The following WASF2 variants were observed in gnomAD, a reference collection of about 807,000 sequenced individuals.
The protein encoded by WASF2 is actin-binding protein WASF2.
In WASF2, 14 loss-of-function variants were observed where a neutral mutation model predicts 45.0. That is an observed-to-expected ratio of 0.31 (90% CI 0.21 to 0.49). WASF2 has a LOEUF of 0.49. WASF2 is among the 20% of genes least tolerant of loss of function. The pLI, the probability that WASF2 is intolerant of heterozygous loss-of-function variation, is 0.99. For synonymous variants in WASF2, 200 were observed against 236.3 expected (o/e 0.85, Z 1.41); for missense variants, 439 against 636.1 (o/e 0.69, Z 3.33).
At chr1:27,423,273 C>T (rs999664129) in intron 2 of WASF2, among the ~76,000 whole-genome samples, 1 of 151,880 alleles carries the variant, frequency 6.6e-6, no homozygotes, top group Non-Finnish European at 1.5e-5. Context: ...TCTCAGCTCA[C>T]TGCAACCTCT....
At chr1:27,412,764 A>G (rs1429954469) in intron 6 of WASF2, 37 bp from the exon 7 acceptor site, 1 of 1,612,848 alleles carries the variant, frequency 6.2e-7, no homozygotes, top group South Asian at 1.1e-5. Flanking sequence ...TGTCATTTAA[A>G]GAGCCTGAGT....
chr1:27,433,960 T>C (rs1390625357), intron 1 of WASF2, among the ~76,000 whole-genome samples: 1 of 152,208 alleles, frequency 6.6e-6, no homozygotes, highest in Non-Finnish European at 1.5e-5. Context: ...TGAAGGTCTT[T>C]TTCAGACATC....
intron 1 of WASF2, among the ~76,000 whole-genome samples, chr1:27,478,821 T>G (rs988261965): frequency 1.3e-5 from 2 of 151,828 alleles, no homozygotes; most frequent in Non-Finnish European, 2.9e-5. Flanking sequence ...CGACCTCAGG[T>G]GATCCACCCG....
chr1:27,419,436 GAAAC>G (rs907587837), intron 2 of WASF2, among the ~76,000 whole-genome samples: 2 of 152,194 alleles, frequency 1.3e-5, no homozygotes, highest in African/African-American at 4.8e-5. Flanking sequence ...GCAACATGGG[GAAAC>G]CCCGTCTCTA....
intron 1 of WASF2, among the ~76,000 whole-genome samples, chr1:27,446,316 G>A (rs1165849872): frequency 6.6e-6 from 1 of 152,082 alleles, no homozygotes; most frequent in African/African-American, 2.4e-5. Context: ...TACAGGGACC[G>A]CAAAGAGGGG....
chr1:27,468,546 T>A (rs184482093), intron 1 of WASF2, among the ~76,000 whole-genome samples: 1 of 150,332 alleles, frequency 6.7e-6, no homozygotes, highest in South Asian at 2.1e-4. Flanking sequence ...GAGGCTGAGG[T>A]AGGAGAATCA....
At chr1:27,432,415 G>A (rs1451118536) in intron 1 of WASF2, among the ~76,000 whole-genome samples, 6 of 151,928 alleles carry the variant, frequency 3.9e-5, no homozygotes, top group South Asian at 2.1e-4. Flanking sequence ...TTGGGAGGCC[G>A]AGGCGGGCGG....
At chr1:27,464,002 C>A (rs894403738) in intron 1 of WASF2, among the ~76,000 whole-genome samples, 1 of 151,552 alleles carries the variant, frequency 6.6e-6, no homozygotes, top group Non-Finnish European at 1.5e-5. Flanking sequence ...AACTCCTGAC[C>A]TCAGGTGATC....
At chr1:27,412,428 G>C in intron 7 of WASF2, 144 bp downstream of exon 7, 1 of 1,101,772 alleles carries the variant, frequency 9.1e-7, no homozygotes, top group Non-Finnish European at 1.3e-6. Context: ...GACTGGTCTT[G>C]AACTTTTGGC....
chr1:27,437,211 G>A (rs925702223), intron 1 of WASF2, among the ~76,000 whole-genome samples: 3 of 152,110 alleles, frequency 2.0e-5, no homozygotes, highest in African/African-American at 7.2e-5. Context: ...TTCAAAATTG[G>A]TTTCTTCTAG....
At chr1:27,466,212 A>G (rs2017609523) in intron 1 of WASF2, among the ~76,000 whole-genome samples, 1 of 152,240 alleles carries the variant, frequency 6.6e-6, no homozygotes, top group Non-Finnish European at 1.5e-5. Flanking sequence ...GAGTTGATAA[A>G]GTAAACTTTT....
chr1:27,454,168 TATATA>T (rs1163112887), intron 1 of WASF2, among the ~76,000 whole-genome samples: 2 of 21,896 alleles, frequency 9.1e-5, no homozygotes, highest in African/African-American at 1.4e-4. Context: ...TATATATATA[TATATA>T]TATATATATA....
intron 1 of WASF2, among the ~76,000 whole-genome samples, chr1:27,431,035 A>G (rs2017056522): frequency 6.6e-6 from 1 of 152,180 alleles, no homozygotes; most frequent in Non-Finnish European, 1.5e-5. Flanking sequence ...TGCTACAAGT[A>G]AAAATAAAAC....
chr1:27,408,131 C>T lies in WASF2; in HGVS notation c.*58G>A. 2 of 1,582,314 alleles carry T rather than the reference C, an allele frequency of 1.3e-6. No homozygotes were observed. Among genetic ancestry groups the T allele is most frequent in the Admixed American group, 3.4e-5 (2 of 58,106 alleles). ...CCCCCTACGGGTCTGTTGGGGTTGG[C>T]ATCAAAGAAGGCAGGTAGGAAGGAA... On this transcript the variant is annotated 3_prime_UTR_variant, in exon 9 of 9. Coordinates refer to ENST00000618852, the MANE Select transcript of WASF2 (RefSeq NM_006990.5).
intron 1 of WASF2, among the ~76,000 whole-genome samples, chr1:27,435,074 A>G (rs1221042017): frequency 2.6e-5 from 4 of 152,114 alleles, no homozygotes; most frequent in African/African-American, 9.7e-5. Flanking sequence ...AGCCTTCCCA[A>G]GTAGCTGGGA....
chr1:27,468,196 C>T (rs1477575174), intron 1 of WASF2, among the ~76,000 whole-genome samples: 1 of 152,016 alleles, frequency 6.6e-6, no homozygotes, highest in Non-Finnish European at 1.5e-5. Context: ...AGACAACACT[C>T]TCTAGATCTA....
intron 1 of WASF2, among the ~76,000 whole-genome samples, chr1:27,436,015 T>C (rs776201161): frequency 6.6e-6 from 1 of 152,220 alleles, no homozygotes; most frequent in African/African-American, 2.4e-5. Context: ...TGTGGGGATG[T>C]TGCATGTGTG....
At chr1:27,432,207 T>C (rs946341775) in intron 1 of WASF2, among the ~76,000 whole-genome samples, 1 of 152,196 alleles carries the variant, frequency 6.6e-6, no homozygotes, top group South Asian at 2.1e-4. Context: ...CTTCAAGTTA[T>C]AGAAAATGTA....
At chr1:27,423,883 C>T (rs2016941247) in intron 2 of WASF2, among the ~76,000 whole-genome samples, 1 of 152,082 alleles carries the variant, frequency 6.6e-6, no homozygotes, top group Non-Finnish European at 1.5e-5. Context: ...GCATGCCCCA[C>T]CCCCTCACCC....
Sources: gnomAD v4.1 joint callset for allele counts (sites outside exome capture counted in the v4.1 genomes callset) on GRCh38, gnomAD v4.1.1 for gene constraint, MANE v1.5 for transcripts, NCBI Gene and HGNC (gene_info 2026-07-23, HGNC 2026-07-21) for gene names.